Variants in UFSP2 observed in about 807,000 individuals in gnomAD.
The protein encoded by UFSP2 is UFM1 specific peptidase 2.
A neutral mutation model predicts 60.2 loss-of-function variants in UFSP2; 43 were observed. The observed-to-expected ratio is 0.71, with a 90% CI of 0.56 to 0.92. The LOEUF (loss-of-function observed/expected upper bound fraction) is 0.92. Among genes scored for constraint, UFSP2 ranks in the 40% least tolerant of loss-of-function variants. The probability of loss-of-function intolerance (pLI) is 0.00; values close to 1 mark genes in which losing one functional copy is unlikely to be tolerated. For missense variants in UFSP2, 520 were observed against 575.0 expected, an observed-to-expected ratio of 0.90 and a Z score of 0.98; for synonymous variants, 183 against 195.1, an observed-to-expected ratio of 0.94 and a Z score of 0.52.
intron 4 of UFSP2, 118 bp downstream of exon 4, chr4:185,418,323 T>C (rs768158948): frequency 1.4e-6 from 1 of 733,104 alleles, no homozygotes; most frequent in Non-Finnish European, 2.1e-6. Context: ...TTTAATCTTT[T>C]TGGACATCAA....
At chr4:185,402,229 TTTAA>T (rs759929050) in intron 11 of UFSP2, 1 of 441,046 alleles carries the variant, frequency 2.3e-6, no homozygotes, top group Non-Finnish European at 4.5e-6. Flanking sequence ...TGTTAGGTAC[TTTAA>T]TAAATACTGA....
At chr4:185,405,305 C>T (rs890845501) in intron 10 of UFSP2, among the ~76,000 whole-genome samples, 18 of 152,108 alleles carry the variant, frequency 1.2e-4, no homozygotes, top group African/African-American at 4.3e-4. Flanking sequence ...GCTTCTACCT[C>T]CATTTCTTAC....
chr4:185,403,508 C>CT lies in UFSP2; in HGVS notation c.1308dup (p.Val437SerfsTer23), dbSNP rs761115454. The stretch of plus-strand genomic sequence containing the variant: ...TGGATACTTACCTTTTCCAAAATAA[C>CT]TTGCAGGTCTTCAGCACCGGTATAA... On this transcript the variant is annotated frameshift_variant, in exon 11 of 12. Coordinates refer to ENST00000264689, the MANE Select transcript of UFSP2 (RefSeq NM_018359.5). LOFTEE classifies it high-confidence loss of function. 6.2e-7 allele frequency: 1 copy of CT among 1,612,862 alleles called. No homozygotes were observed. The highest frequency in any genetic ancestry group is 8.5e-7 in the Non-Finnish European group (1 of 1,179,722).
At chr4:185,405,500 A>C (rs368688998) in intron 10 of UFSP2, among the ~76,000 whole-genome samples, 1 of 152,218 alleles carries the variant, frequency 6.6e-6, no homozygotes, top group Admixed American at 6.6e-5. Context: ...AGCTCAGCTG[A>C]GTGACCGTTT....
intron 1 of UFSP2, among the ~76,000 whole-genome samples, chr4:185,423,939 C>G (rs147771612): frequency 2.7e-3 from 416 of 152,174 alleles, no homozygotes; most frequent in African/African-American, 5.4e-3. Flanking sequence ...GCTGAAGAAC[C>G]ATAGTACACA....
rs576022471 is a variant in UFSP2, at chr4:185,403,699, G to A, written c.1199-81C>T. ...TATTCAATTTAAATAGACAGATTAC[G>A]GCCGGGCGTGGTGGCTCACACCTGT... On this transcript the variant is annotated intron_variant, in intron 10 of 11. Coordinates refer to ENST00000264689, the MANE Select transcript of UFSP2 (RefSeq NM_018359.5). 63 of 1,522,764 alleles carry A rather than the reference G, an allele frequency of 4.1e-5. No individual in the cohort carries two copies. The South Asian group carries it at 5.5e-4, about 13-fold the overall frequency. The allele number at this position is 1,522,764 out of a possible 1,614,324, so 94.3% of individuals were successfully genotyped here. A position where few individuals can be genotyped will look rare whatever the true frequency, so the allele number is the denominator to read the frequency against.
At chr4:185,402,538 C>A (rs1282353182) in intron 11 of UFSP2, among the ~76,000 whole-genome samples, 1 of 152,166 alleles carries the variant, frequency 6.6e-6, no homozygotes, top group Non-Finnish European at 1.5e-5. Context: ...TGCAATGGCG[C>A]CATCTCAGCT....
intron 10 of UFSP2, 85 bp from the exon 11 acceptor site, chr4:185,403,703 G>T: frequency 6.6e-7 from 1 of 1,508,422 alleles, no homozygotes. Context: ...GATTACGGCC[G>T]GGCGTGGTGG....
intron 10 of UFSP2, among the ~76,000 whole-genome samples, chr4:185,404,255 T>C (rs965095900): frequency 4.0e-5 from 6 of 150,850 alleles, no homozygotes; most frequent in African/African-American, 1.5e-4. Context: ...TCCTGCTGCC[T>C]CTGAGTACCT....
At chr4:185,405,018 T>TTC (rs397996555) in intron 10 of UFSP2, among the ~76,000 whole-genome samples, 6 of 150,968 alleles carry the variant, frequency 4.0e-5, no homozygotes, top group Non-Finnish European at 8.9e-5. Flanking sequence ...TTTTTTTTTT[T>TTC]CTTTTGAGAC....
chr4:185,400,148 G>T lies in UFSP2; in HGVS notation c.*244C>A. 1 of 881,454 alleles carries T rather than the reference G, an allele frequency of 1.1e-6. No individual in the cohort carries two copies. Among genetic ancestry groups the T allele is most frequent in the Non-Finnish European group, 1.7e-6 (1 of 573,440 alleles). 54.6% of individuals were successfully genotyped at this position (881,454 alleles called of 1,614,324 possible). A position where few individuals can be genotyped will look rare whatever the true frequency, so the allele number is the denominator to read the frequency against. Reference sequence around the variant, plus strand: ...AAGGACGAAAAACTTTCTTCCAAGTGAAGATCCATTTAAGAACACATGTAT... The same window carrying T: ...AAGGACGAAAAACTTTCTTCCAAGTTAAGATCCATTTAAGAACACATGTAT... On this transcript the variant is annotated 3_prime_UTR_variant, in exon 12 of 12. Coordinates refer to ENST00000264689, the MANE Select transcript of UFSP2 (RefSeq NM_018359.5).
rs764975018 is a variant in UFSP2 at position 185,407,927 on chromosome 4, T to C, written c.1121+9A>G. 1.2e-6 allele frequency: 2 copies of C among 1,607,626 alleles called. No individual in the cohort carries two copies. Among genetic ancestry groups the C allele is most frequent in the Non-Finnish European group, 1.7e-6 (2 of 1,177,728 alleles). Reference sequence around the variant, plus strand: ...AAATGATTTATCTAATTTCTTAAAGTGTGCTTACCTGACAAACAGGATTTT... The same window carrying C: ...AAATGATTTATCTAATTTCTTAAAGCGTGCTTACCTGACAAACAGGATTTT... On this transcript the variant is annotated intron_variant, in intron 9 of 11. Transcript: ENST00000264689.
At position 185,407,980 on chromosome 4, in the gene UFSP2, T is replaced by C. The variant is rs761148383; in HGVS notation, c.1077A>G (p.Val359=). 4.3e-6 allele frequency: 7 copies of C among 1,614,228 alleles called. No homozygotes were observed. In the South Asian group the frequency reaches 7.7e-5, roughly 18 times the overall value. Residue 359 remains valine (V), a synonymous_variant, in exon 9 of 12, where the codon GTA becomes GTG. Coordinates refer to ENST00000264689, the MANE Select transcript of UFSP2 (RefSeq NM_018359.5). The stretch of plus-strand genomic sequence containing the variant: ...ACGTTATACCGATCAATTGGTTTAG[T>C]ACCAGCTGCACCTCAATAGATCCAA... ...QWIGSIEVQL[V]LNQLIGITSK...
chr4:185,403,803 T>G (rs1373638896), intron 10 of UFSP2, among the ~76,000 whole-genome samples, 185 bp from the exon 11 acceptor site: 1 of 150,960 alleles, frequency 6.6e-6, no homozygotes, highest in Non-Finnish European at 1.5e-5. Context: ...TGAAACCCTG[T>G]CTCTACTAAA....
intron 4 of UFSP2, among the ~76,000 whole-genome samples, chr4:185,418,237 A>C (rs1191571075): frequency 6.6e-6 from 1 of 152,178 alleles, no homozygotes; most frequent in Non-Finnish European, 1.5e-5. Flanking sequence ...TTATAAAAAA[A>C]CCCTTTTGAG....
chr4:185,415,402 G>A, intron 5 of UFSP2, 55 bp from the exon 6 acceptor site: 3 of 1,397,796 alleles, frequency 2.1e-6, no homozygotes. Context: ...CTACAATAAA[G>A]AAAAGTACAG....
At chr4:185,406,435 A>G (rs2095520510) in intron 9 of UFSP2, among the ~76,000 whole-genome samples, 1 of 152,178 alleles carries the variant, frequency 6.6e-6, no homozygotes, top group Non-Finnish European at 1.5e-5. Context: ...TAGATGGGAT[A>G]ATGAAGGGAG....
intron 4 of UFSP2, among the ~76,000 whole-genome samples, chr4:185,416,951 A>G (rs1236246250): frequency 6.6e-6 from 1 of 152,240 alleles, no homozygotes; most frequent in Admixed American, 6.5e-5. Context: ...GAAATTATCA[A>G]TGGATGCTAA....
In UFSP2 at chr4:185,401,397, C is replaced by A. The variant is rs550568001; in HGVS notation, c.1324-919G>T. On this transcript the variant is annotated intron_variant, in intron 11 of 11. Coordinates refer to ENST00000264689, the MANE Select transcript of UFSP2 (RefSeq NM_018359.5). ...TCTCTTAACAGACAGAGAAAAAAGG[C>A]TCATTCTGTTTTAACCTTTTTTTGA... Among the ~76,000 whole-genome samples the A allele has an allele frequency of 2.0e-5, 3 of 152,286 alleles. No individual in the cohort carries two copies. In the South Asian group the frequency reaches 6.2e-4, roughly 32 times the overall value.
Sources: gnomAD v4.1 joint callset for allele counts (sites outside exome capture counted in the v4.1 genomes callset) on GRCh38, gnomAD v4.1.1 for gene constraint, MANE v1.5 for transcripts, NCBI Gene and HGNC (gene_info 2026-07-23, HGNC 2026-07-21) for gene names.